Variants in RSPH14 observed in about 807,000 individuals in gnomAD.
The protein encoded by RSPH14 is radial spoke head 14 homolog, also known as rhabdoid tumor deletion region gene 1.
Under a neutral mutation model 26.7 loss-of-function variants are expected in RSPH14, and 20 were observed. That is an observed-to-expected ratio of 0.75 (90% CI 0.53 to 1.09). The LOEUF (loss-of-function observed/expected upper bound fraction) is 1.09, where lower values mean the gene tolerates loss of function less well. RSPH14 is among the 50% of genes least tolerant of loss of function. The probability of loss-of-function intolerance (pLI) is 0.00; values close to 1 mark genes in which losing one functional copy is unlikely to be tolerated. For missense variants in RSPH14, 449 were observed against 457.2 expected (o/e 0.98, Z 0.16); for synonymous variants, 177 against 189.3 (o/e 0.93, Z 0.53).
At chr22:23,153,723 G>C in the RSPH14 span, 416 of 748,504 alleles carry the variant, frequency 5.6e-4, 3 homozygotes, top group African/African-American at 6.0e-3. Context: ...TTGAGACAGA[G>C]TCTTGCTCTG....
chr22:23,146,946 A>G (rs2070810814), upstream of RSPH14, among the ~76,000 whole-genome samples: 1 of 152,126 alleles, frequency 6.6e-6, no homozygotes, highest in Non-Finnish European at 1.5e-5. Flanking sequence ...TGAATCCTTC[A>G]TTCTGATTCT....
At chr22:23,170,719 G>A in the RSPH14 span, among the ~76,000 whole-genome samples, 3 of 151,822 alleles carry the variant, frequency 2.0e-5, no homozygotes, top group Non-Finnish European at 2.9e-5. Flanking sequence ...GTGACAGAGC[G>A]AGACTCCACC....
chr22:23,111,849 TGGCAGTG>T (rs769897329), intron 4 of RSPH14, among the ~76,000 whole-genome samples: 1 of 152,182 alleles, frequency 6.6e-6, no homozygotes, highest in Non-Finnish European at 1.5e-5. Flanking sequence ...CAGATCCCGG[TGGCAGTG>T]GGCAGTGGGC....
chr22:23,153,692 CTTTTTTTTTTT>C, the RSPH14 span: 1 of 258,262 alleles, frequency 3.9e-6, no homozygotes, highest in Non-Finnish European at 4.9e-6. Flanking sequence ...CCACTTCTGT[CTTTTTTTTTTT>C]TTTTTTTTTT....
chr22:23,156,160 C>A, the RSPH14 span: 1 of 522,432 alleles, frequency 1.9e-6, no homozygotes, highest in Non-Finnish European at 3.1e-6. Flanking sequence ...ACTGAGAAAA[C>A]ACCAGGCCAC....
At position 23,071,162 on chromosome 22, in the gene RSPH14, C is replaced by T. The variant is rs967138886; in HGVS notation, c.422-7029G>A. On this transcript the variant is annotated intron_variant, in intron 4 of 6. Coordinates refer to ENST00000216036, the MANE Select transcript of RSPH14 (RefSeq NM_014433.3). This position sits in a 1 kb window ranked among gnomAD's most constrained non-coding sequence, Gnocchi z 4.1. Reference sequence around the variant, plus strand: ...GGAAGAGATGAGTATCGACCTGCTGCGATTGTAATACGTTCCCGGCTCAAT... The same window carrying T: ...GGAAGAGATGAGTATCGACCTGCTGTGATTGTAATACGTTCCCGGCTCAAT... 1.3e-5 allele frequency among the ~76,000 whole-genome samples: 2 copies of T among 151,918 alleles called. No individual in the cohort carries two copies. Among genetic ancestry groups the T allele is most frequent in the African/African-American group, 2.4e-5 (1 of 41,316 alleles).
chr22:23,065,102 C>T (rs1485348913), intron 4 of RSPH14, among the ~76,000 whole-genome samples: 2 of 152,188 alleles, frequency 1.3e-5, no homozygotes, highest in Non-Finnish European at 2.9e-5. Flanking sequence ...CTTTCTTCCG[C>T]CCTCCCCAGC....
At chr22:23,155,893 C>T in the RSPH14 span, 37 of 1,387,350 alleles carry the variant, frequency 2.7e-5, no homozygotes, top group African/African-American at 1.4e-4. Flanking sequence ...CCCATGGTCC[C>T]GTAGCCTGTT....
chr22:23,157,099 C>G, the RSPH14 span, among the ~76,000 whole-genome samples: 1 of 152,154 alleles, frequency 6.6e-6, no homozygotes, highest in Non-Finnish European at 1.5e-5. Context: ...GACCGGGGTG[C>G]GGCCAGTGAT....
At chr22:23,178,642 C>T in the RSPH14 span, among the ~76,000 whole-genome samples, 7 of 152,336 alleles carry the variant, frequency 4.6e-5, no homozygotes, top group Admixed American at 1.3e-4. Flanking sequence ...GTGAGCTGCG[C>T]ACCGCCCACC....
the RSPH14 span, chr22:23,164,479 CA>C: frequency 6.6e-6 from 1 of 152,204 alleles, no homozygotes; most frequent in Non-Finnish European, 1.5e-5. Flanking sequence ...GTTGTCCCCC[CA>C]CCCCAAGTTG....
intron 4 of RSPH14, among the ~76,000 whole-genome samples, chr22:23,073,322 G>A (rs2068424466): frequency 1.3e-5 from 2 of 152,274 alleles, no homozygotes; most frequent in South Asian, 4.1e-4. Context: ...AGAGGCGTCA[G>A]TGCAGATGCC....
intron 4 of RSPH14, among the ~76,000 whole-genome samples, chr22:23,075,799 C>G (rs1326090154): frequency 6.6e-6 from 1 of 152,180 alleles, no homozygotes; most frequent in African/African-American, 2.4e-5. Context: ...TCAGGAGACC[C>G]TTGGCCCCTG....
Position 23,059,495 on chromosome 22 carries a change from C to A in RSPH14, c.1014G>T (p.Arg338=), listed in dbSNP as rs751060400. The part of the protein sequence containing the change: ...QVAEALQRAA[R]IAISVIEFKP ...TGAACTCGATGACACTGATGGCGAT[C>A]CGGGCTGCCCGCTGTAAGGCTTCGG... is the stretch of plus-strand genomic sequence containing the variant. Residue 338 remains arginine, a synonymous_variant, in exon 7 of 7, where the codon CGG becomes CGT. Transcript: ENST00000216036. The A allele has an allele frequency of 1.2e-6, 2 of 1,613,238 alleles. No individual in the cohort carries two copies. The highest frequency in any genetic ancestry group is 2.2e-5 in the South Asian group (2 of 91,026).
At chr22:23,135,198 G>A (rs912304620) in intron 3 of RSPH14, among the ~76,000 whole-genome samples, 1 of 151,770 alleles carries the variant, frequency 6.6e-6, no homozygotes, top group Non-Finnish European at 1.5e-5. Flanking sequence ...TCTAGGCCAG[G>A]CGCGGTGGCT....
At chr22:23,159,515 G>A in the RSPH14 span, among the ~76,000 whole-genome samples, 15 of 152,250 alleles carry the variant, frequency 9.9e-5, no homozygotes, top group South Asian at 2.1e-4. Flanking sequence ...GTGTCATGCC[G>A]TGCTGGCCTG....
In RSPH14 at chr22:23,138,959, A is replaced by AC; in HGVS notation, c.200-18_200-17insG. On this transcript the variant is annotated splice_polypyrimidine_tract_variant and intron_variant, in intron 2 of 6. Coordinates refer to ENST00000216036, the MANE Select transcript of RSPH14 (RefSeq NM_014433.3). ...CCATACAGCCTAGAAAAAAAAAAAAAAACAAACAAACCAACCCTTGAATTT... is the reference window on the plus strand; with the variant it reads ...CCATACAGCCTAGAAAAAAAAAAAAACAACAAACAAACCAACCCTTGAATTT... 1.3e-6 allele frequency: 2 copies of AC among 1,524,986 alleles called. No individual in the cohort carries two copies. Among genetic ancestry groups the AC allele is most frequent in the South Asian group, 1.2e-5 (1 of 80,850 alleles). 94.5% of individuals were successfully genotyped at this position (1,524,986 alleles called of 1,614,324 possible).
At chr22:23,146,659 G>T, upstream of RSPH14, 1 of 1,613,998 alleles carries the variant, frequency 6.2e-7, no homozygotes, top group South Asian at 1.1e-5. Flanking sequence ...TGTGAGCCGC[G>T]ACCGTGTCAT....
chr22:23,168,176 C>T, the RSPH14 span, among the ~76,000 whole-genome samples: 1 of 152,196 alleles, frequency 6.6e-6, no homozygotes, highest in Non-Finnish European at 1.5e-5. Flanking sequence ...CAGATGCCAG[C>T]CCGACCCCAT....
Sources: allele counts gnomAD v4.1 joint callset (sites outside exome capture counted in the v4.1 genomes callset), GRCh38; gene constraint gnomAD v4.1.1; non-coding constraint Gnocchi (gnomAD v3.1); transcripts MANE v1.5; gene names NCBI Gene and HGNC (gene_info 2026-07-23, HGNC 2026-07-21).